CERS6: variants seen among roughly 807,000 people sequenced by gnomAD.
CERS6 encodes ceramide synthase 6.
Under a neutral mutation model 56.8 loss-of-function variants are expected in CERS6, and 26 were observed. The ratio of observed to expected loss-of-function variants is 0.46; its 90% CI spans 0.34 to 0.63. The LOEUF is 0.63. Ranked by LOEUF, CERS6 falls within the 30% of genes least tolerant of loss-of-function variation. The probability of loss-of-function intolerance (pLI) is 0.01; values close to 1 mark genes in which losing one functional copy is unlikely to be tolerated. For synonymous variants in CERS6, 164 were observed against 173.3 expected (o/e 0.95, Z 0.42); for missense variants, 415 against 467.5 (o/e 0.89, Z 1.04).
chr2:168,499,128 A>G (rs1314119705), intron 1 of CERS6, among the ~76,000 whole-genome samples: 1 of 152,190 alleles, frequency 6.6e-6, no homozygotes, highest in Non-Finnish European at 1.5e-5. Flanking sequence ...TACCTGCCCC[A>G]GGTCCTGTCC....
chr2:168,533,771 T>C (rs1695209130), intron 1 of CERS6, among the ~76,000 whole-genome samples: 1 of 152,172 alleles, frequency 6.6e-6, no homozygotes, highest in African/African-American at 2.4e-5. Context: ...TCTTGCTAGG[T>C]TGGGGAAGTT....
At chr2:168,733,304 A>G (rs1367515140) in intron 8 of CERS6, among the ~76,000 whole-genome samples, 1 of 152,210 alleles carries the variant, frequency 6.6e-6, no homozygotes, top group Non-Finnish European at 1.5e-5. Flanking sequence ...TCATGTTATC[A>G]TTTAGAACTA....
intron 3 of CERS6, among the ~76,000 whole-genome samples, chr2:168,609,985 T>G (rs1417709786): frequency 6.9e-6 from 1 of 145,500 alleles, no homozygotes; most frequent in Non-Finnish European, 1.5e-5. Flanking sequence ...TTTTTTTTTT[T>G]TTTTTTTTTT....
At chr2:168,683,713 G>A (rs181208174) in intron 4 of CERS6, among the ~76,000 whole-genome samples, 1 of 152,166 alleles carries the variant, frequency 6.6e-6, no homozygotes, top group African/African-American at 2.4e-5. Flanking sequence ...GGAATTGATT[G>A]GTCTCTTTTA....
intron 1 of CERS6, among the ~76,000 whole-genome samples, chr2:168,542,150 T>G (rs958400049): frequency 6.6e-6 from 1 of 151,872 alleles, no homozygotes; most frequent in Non-Finnish European, 1.5e-5. Flanking sequence ...GAGAGTGTGG[T>G]GTTCATATGT....
At chr2:168,548,348 G>A (rs78865504) in intron 2 of CERS6, among the ~76,000 whole-genome samples, 4,518 of 152,222 alleles carry the variant, frequency 0.03, 91 homozygotes, top group Non-Finnish European at 0.048. Flanking sequence ...AAGAGACCAC[G>A]TCTCCTGCCT....
intron 4 of CERS6, among the ~76,000 whole-genome samples, chr2:168,670,378 T>A (rs1685877172): frequency 2.0e-5 from 3 of 151,968 alleles, no homozygotes; most frequent in Non-Finnish European, 4.4e-5. Flanking sequence ...ACCACCTAGG[T>A]CTAATTATCC....
chr2:168,614,855 C>T lies in CERS6; in HGVS notation c.408-16130C>T, dbSNP rs565190057. 2.2e-4 allele frequency among the ~76,000 whole-genome samples: 34 copies of T among 152,214 alleles called. No individual in the cohort carries two copies. In the South Asian group the frequency reaches 4.1e-3, roughly 19 times the overall value. Reference sequence around the variant, plus strand: ...AGGTCCCCATCCACTGCCTGATGCTCCCTATATTACCACAGCTGATGCTCT... The same window carrying T: ...AGGTCCCCATCCACTGCCTGATGCTTCCTATATTACCACAGCTGATGCTCT... On this transcript the variant is annotated intron_variant, in intron 3 of 9. Coordinates refer to ENST00000305747, the MANE Select transcript of CERS6 (RefSeq NM_203463.3).
intron 9 of CERS6, among the ~76,000 whole-genome samples, chr2:168,768,792 G>A (rs1048618584): frequency 1.3e-5 from 2 of 151,432 alleles, no homozygotes; most frequent in Non-Finnish European, 2.9e-5. Flanking sequence ...TGTAATCCTA[G>A]CTACTCGGGA....
intron 6 of CERS6, among the ~76,000 whole-genome samples, chr2:168,714,330 C>A (rs1687173247): frequency 6.6e-6 from 1 of 152,198 alleles, no homozygotes; most frequent in South Asian, 2.1e-4. Flanking sequence ...GGCTTATCAA[C>A]CCTTCTGTAG....
chr2:168,562,313 A>G (rs928498015), intron 3 of CERS6, among the ~76,000 whole-genome samples: 10 of 152,176 alleles, frequency 6.6e-5, no homozygotes, highest in Non-Finnish European at 4.4e-5. Context: ...TGAGAGACTG[A>G]GAAAAGAAAG....
intron 1 of CERS6, among the ~76,000 whole-genome samples, chr2:168,541,251 A>C (rs1695363669): frequency 6.6e-6 from 1 of 152,168 alleles, no homozygotes; most frequent in African/African-American, 2.4e-5. Context: ...CACCTTTCAC[A>C]TTGGGGATCA....
At chr2:168,597,729 G>A (rs1366811388) in intron 3 of CERS6, among the ~76,000 whole-genome samples, 6 of 152,170 alleles carry the variant, frequency 3.9e-5, no homozygotes, top group African/African-American at 1.4e-4. Context: ...ACATTAATAT[G>A]TTTATTTAGA....
At chr2:168,497,741 T>G (rs1272367729) in intron 1 of CERS6, among the ~76,000 whole-genome samples, 1 of 152,136 alleles carries the variant, frequency 6.6e-6, no homozygotes, top group Non-Finnish European at 1.5e-5. Flanking sequence ...CCCCTGGCTT[T>G]TACTCTGAGT....
intron 4 of CERS6, among the ~76,000 whole-genome samples, chr2:168,673,610 G>A (rs2105341986): frequency 6.6e-6 from 1 of 152,282 alleles, no homozygotes; most frequent in East Asian, 1.9e-4. Flanking sequence ...GGGAGAATTG[G>A]CTTACTCAGT....
chr2:168,721,206 A>G (rs955716605), intron 8 of CERS6, among the ~76,000 whole-genome samples: 1 of 152,188 alleles, frequency 6.6e-6, no homozygotes, highest in Non-Finnish European at 1.5e-5. Flanking sequence ...GGTTTCATGC[A>G]ATATGCGATC....
At chr2:168,725,804 T>C (rs1281507904) in intron 8 of CERS6, among the ~76,000 whole-genome samples, 1 of 152,258 alleles carries the variant, frequency 6.6e-6, no homozygotes, top group African/African-American at 2.4e-5. Flanking sequence ...TTCTCTTGTA[T>C]TTAAATTTTT....
chr2:168,501,420 C>A (rs1414367132), intron 1 of CERS6, among the ~76,000 whole-genome samples: 2 of 152,144 alleles, frequency 1.3e-5, no homozygotes, highest in African/African-American at 4.8e-5. Flanking sequence ...CAGTTTTTGG[C>A]CTGAATGGAA....
At chr2:168,493,226 GCC>G (rs1694405230) in intron 1 of CERS6, among the ~76,000 whole-genome samples, 2 of 151,904 alleles carry the variant, frequency 1.3e-5, no homozygotes, top group South Asian at 4.1e-4. Flanking sequence ...TTTCAGATCA[GCC>G]CCAGTAGCTT....
Sources: gnomAD v4.1 joint callset for allele counts (sites outside exome capture counted in the v4.1 genomes callset) on GRCh38, gnomAD v4.1.1 for gene constraint, MANE v1.5 for transcripts, NCBI Gene and HGNC (gene_info 2026-07-23, HGNC 2026-07-21) for gene names.